Variants in SIPA1L1 observed in about 807,000 individuals in gnomAD.
The protein encoded by SIPA1L1 is signal-induced proliferation-associated 1-like protein 1.
In SIPA1L1, 26 loss-of-function variants were observed where a neutral mutation model predicts 162.7. The ratio of observed to expected loss-of-function variants is 0.16; its 90% confidence interval spans 0.12 to 0.22. The LOEUF (loss-of-function observed/expected upper bound fraction) is 0.22. Among genes scored for constraint, SIPA1L1 ranks in the 10% least tolerant of loss-of-function variants. The pLI is 1.00. For synonymous variants in SIPA1L1, 829 were observed against 837.4 expected (o/e 0.99, Z 0.17); for missense variants, 1,874 against 2,241.0 (o/e 0.84, Z 3.31).
intron 2 of SIPA1L1, among the ~76,000 whole-genome samples, chr14:71,363,542 A>C (rs1463606110): frequency 1.3e-5 from 2 of 152,182 alleles, no homozygotes; most frequent in Admixed American, 1.3e-4. Flanking sequence ...ATTGATCATG[A>C]GGTACTGAAT....
intron 2 of SIPA1L1, among the ~76,000 whole-genome samples, chr14:71,343,084 C>A (rs1284843777): frequency 6.6e-6 from 1 of 152,154 alleles, no homozygotes; most frequent in Non-Finnish European, 1.5e-5. Flanking sequence ...TCTTGGTTTA[C>A]CATTGCAACA....
At position 71,618,787 on chromosome 14, in the gene SIPA1L1, A is replaced by T; in HGVS notation, c.1529A>T (p.Asn510Ile). The T allele has an allele frequency of 6.2e-7, 1 of 1,614,010 alleles. No individual in the cohort carries two copies. The highest frequency in any genetic ancestry group is 8.5e-7 in the Non-Finnish European group (1 of 1,179,906). Residue 510 changes from asparagine to isoleucine, a missense_variant, in exon 6 of 24, where the codon AAT becomes ATT. Physicochemically the swap from Asn to Ile is moderately radical, Grantham distance 149. This residue lies in a region of SIPA1L1 where 685 missense variants were observed against 828.0 expected (regional missense o/e 0.83). Transcript: ENST00000381232. ...TGGAACTATTTTGGGGCTGATGAGA[A>T]TCTTGGTCCAGTGGCTGTGAGCATT... Reference protein sequence around the residue: ...EHWNYFGADENLGPVAVSIRR... With the variant: ...EHWNYFGADEILGPVAVSIRR...
chr14:71,388,650 A>G (rs1013325708), intron 2 of SIPA1L1, among the ~76,000 whole-genome samples: 2 of 152,228 alleles, frequency 1.3e-5, no homozygotes, highest in Non-Finnish European at 2.9e-5. Flanking sequence ...GAGGCTAAAG[A>G]TATTTCCTGC....
chr14:71,382,751 T>G (rs2040007698), intron 2 of SIPA1L1, among the ~76,000 whole-genome samples: 1 of 152,204 alleles, frequency 6.6e-6, no homozygotes, highest in South Asian at 2.1e-4. Flanking sequence ...GTATTTTTAT[T>G]TGTTCAACAG....
rs544898664 is a variant in SIPA1L1, at chr14:71,439,002, G to A, written c.-464-73741G>A. On this transcript the variant is annotated intron_variant, in intron 2 of 23. Transcript: ENST00000381232. ...TTTGCCCTCTGCTTTCCTGCTTACT[G>A]TTTTTTGATTTGATTTAACTAATGT... is the stretch of plus-strand genomic sequence containing the variant. Among the ~76,000 whole-genome samples, 48 of 152,132 alleles carry A rather than the reference G, an allele frequency of 3.2e-4. 1 individual carries two copies. The highest frequency in any genetic ancestry group is 1.2e-3 in the African/African-American group (48 of 41,508).
At chr14:71,380,499 G>A (rs987058306) in intron 2 of SIPA1L1, among the ~76,000 whole-genome samples, 4 of 152,202 alleles carry the variant, frequency 2.6e-5, no homozygotes, top group African/African-American at 7.2e-5. Flanking sequence ...AATTGCCTGT[G>A]TTGTTACTGA....
chr14:71,521,955 C>T (rs1381177667), intron 3 of SIPA1L1, among the ~76,000 whole-genome samples: 4 of 152,132 alleles, frequency 2.6e-5, no homozygotes, highest in Non-Finnish European at 5.9e-5. Context: ...TGTGGTATCG[C>T]CATTCATCTG....
At chr14:71,665,635 A>G (rs193068761) in intron 10 of SIPA1L1, among the ~76,000 whole-genome samples, 1 of 152,354 alleles carries the variant, frequency 6.6e-6, no homozygotes, top group East Asian at 1.9e-4. Context: ...TATTCACATC[A>G]AAGATATGAA....
intron 2 of SIPA1L1, among the ~76,000 whole-genome samples, chr14:71,459,450 T>C (rs1003173369): frequency 1.3e-5 from 2 of 151,712 alleles, no homozygotes; most frequent in Non-Finnish European, 2.9e-5. Context: ...TCTATCTATC[T>C]ATCCATCCAG....
intron 2 of SIPA1L1, among the ~76,000 whole-genome samples, chr14:71,374,388 G>A (rs1407676742): frequency 3.3e-5 from 5 of 151,724 alleles, no homozygotes; most frequent in Admixed American, 6.6e-5. Flanking sequence ...TGGAGAAATC[G>A]TATTCAGTTA....
In SIPA1L1 at chr14:71,346,510, C is replaced by A. The variant is rs1034232818; in HGVS notation, c.-465+25329C>A. Reference sequence around the variant, plus strand: ...GCTCAGAGCAAAGATGGTATTACCTCCAAGGCCAGCAGAACTGTAGAAGAG... The same window carrying A: ...GCTCAGAGCAAAGATGGTATTACCTACAAGGCCAGCAGAACTGTAGAAGAG... On this transcript the variant is annotated intron_variant, in intron 2 of 23. Transcript: ENST00000381232. Among the ~76,000 whole-genome samples, 3 of 152,102 alleles carry A rather than the reference C, an allele frequency of 2.0e-5. 1 individual carries two copies. The South Asian group carries it at 6.2e-4, about 32-fold the overall frequency.
rs756666556 is a variant in SIPA1L1, at chr14:71,730,297, G to A, written c.4857G>A (p.Leu1619=). 6.2e-7 allele frequency: 1 copy of A among 1,614,038 alleles called. No homozygotes were observed. The highest frequency in any genetic ancestry group is 1.7e-5 in the Admixed American group (1 of 60,024). The change falls in exon 20 of 24, where the codon CTG becomes CTA. Residue 1619 remains leucine (L), a synonymous_variant. Coordinates refer to ENST00000381232, the MANE Select transcript of SIPA1L1 (RefSeq NM_001386936.1). ...RPSYTLGMKS[L]HGEFSASDSS... ...CTTACACCTTAGGAATGAAATCGCT[G>A]CATGGTAAGTGGTCTTTCAGCTGCA...
At chr14:71,575,400 G>A (rs1437899625) in intron 4 of SIPA1L1, among the ~76,000 whole-genome samples, 2 of 152,112 alleles carry the variant, frequency 1.3e-5, no homozygotes, top group Non-Finnish European at 1.5e-5. Context: ...AGAAGAAGAC[G>A]TATACTTTTC....
At chr14:71,395,524 G>T (rs566622636) in intron 2 of SIPA1L1, among the ~76,000 whole-genome samples, 2 of 152,138 alleles carry the variant, frequency 1.3e-5, no homozygotes, top group Non-Finnish European at 2.9e-5. Flanking sequence ...TTAGCTGGGC[G>T]CAGTAGGACT....
intron 4 of SIPA1L1, among the ~76,000 whole-genome samples, chr14:71,584,663 C>G (rs2034359076): frequency 6.6e-6 from 1 of 152,162 alleles, no homozygotes; most frequent in Non-Finnish European, 1.5e-5. Context: ...AAAAGACTTT[C>G]AACTAGTTGA....
chr14:71,330,343 A>G, intron 2 of SIPA1L1: 1 of 826,520 alleles, frequency 1.2e-6, no homozygotes, highest in Non-Finnish European at 2.2e-6. Flanking sequence ...TCTCTAGTGC[A>G]CAGTCCTCTC....
intron 2 of SIPA1L1, among the ~76,000 whole-genome samples, chr14:71,335,850 C>T (rs1196269733): frequency 6.6e-6 from 1 of 152,200 alleles, no homozygotes; most frequent in Admixed American, 6.5e-5. Context: ...CTCTAAGAAA[C>T]TGAACCATAG....
intron 2 of SIPA1L1, among the ~76,000 whole-genome samples, chr14:71,455,300 G>A (rs1019093218): frequency 6.6e-6 from 1 of 152,192 alleles, no homozygotes; most frequent in Non-Finnish European, 1.5e-5. Flanking sequence ...AGTGAATGGC[G>A]AAGTGATTGA....
chr14:71,331,512 T>C (rs2034539829), intron 2 of SIPA1L1, among the ~76,000 whole-genome samples: 1 of 152,226 alleles, frequency 6.6e-6, no homozygotes, highest in East Asian at 1.9e-4. Flanking sequence ...TGTCTAGCAC[T>C]TCCGGTTTGC....
Sources: allele counts gnomAD v4.1 joint callset (sites outside exome capture counted in the v4.1 genomes callset), GRCh38; gene constraint gnomAD v4.1.1; regional missense constraint gnomAD v4.1.1; transcripts MANE v1.5; gene names NCBI Gene and HGNC (gene_info 2026-07-23, HGNC 2026-07-21).